Variants in NTNG1 observed in about 807,000 individuals in gnomAD.
NTNG1 encodes netrin-G1.
A neutral mutation model predicts 54.0 loss-of-function variants in NTNG1; 16 were observed. The observed-to-expected ratio is 0.30, with a 90% CI of 0.20 to 0.45. NTNG1 has a LOEUF of 0.45. Ranked by LOEUF, NTNG1 falls within the 20% of genes least tolerant of loss-of-function variation. The pLI, the probability that NTNG1 is intolerant of heterozygous loss-of-function variation, is 1.00. For synonymous variants in NTNG1, 255 were observed against 263.1 expected (o/e 0.97, Z 0.30); for missense variants, 530 against 678.7 (o/e 0.78, Z 2.43).
At chr1:107,218,269 A>G (rs1660104609) in intron 2 of NTNG1, among the ~76,000 whole-genome samples, 2 of 151,788 alleles carry the variant, frequency 1.3e-5, no homozygotes, top group South Asian at 4.2e-4. Context: ...AAGAATAGCT[A>G]CTCCTGGTGG....
At chr1:107,206,636 G>A (rs747729964) in intron 2 of NTNG1, among the ~76,000 whole-genome samples, 1 of 152,236 alleles carries the variant, frequency 6.6e-6, no homozygotes, top group Non-Finnish European at 1.5e-5. Flanking sequence ...TATATCCCAA[G>A]CTGCACTTAG....
chr1:107,213,678 T>C (rs954316334), intron 2 of NTNG1, among the ~76,000 whole-genome samples: 2 of 152,154 alleles, frequency 1.3e-5, no homozygotes, highest in African/African-American at 4.8e-5. Context: ...TGAACCATTA[T>C]GTGTGTATCA....
intron 3 of NTNG1, among the ~76,000 whole-genome samples, chr1:107,341,488 T>C (rs1183740854): frequency 6.6e-6 from 1 of 152,114 alleles, no homozygotes; most frequent in East Asian, 1.9e-4. Flanking sequence ...GATTGGCTTC[T>C]TGAGCCCTGG....
In NTNG1 at chr1:107,484,660, T is replaced by G. The variant is rs745567116; in HGVS notation, c.*3820T>G. Reference sequence around the variant, plus strand: ...TGTAGTTAATGCTCCCCTCACCTTCTCTTGGACCTGTGGTCTGACTGGAGT... The same window carrying G: ...TGTAGTTAATGCTCCCCTCACCTTCGCTTGGACCTGTGGTCTGACTGGAGT... On this transcript the variant is annotated 3_prime_UTR_variant, in exon 8 of 8. Coordinates refer to ENST00000370068, the MANE Select transcript of NTNG1 (RefSeq NM_001113226.3). Among the ~76,000 whole-genome samples, 2 of 152,180 alleles carry G rather than the reference T, an allele frequency of 1.3e-5. No individual in the cohort carries two copies. The highest frequency in any genetic ancestry group is 2.9e-5 in the Non-Finnish European group (2 of 68,028).
chr1:107,454,663 G>A (rs555148772), intron 7 of NTNG1, among the ~76,000 whole-genome samples: 2 of 152,218 alleles, frequency 1.3e-5, no homozygotes, highest in South Asian at 4.1e-4. Flanking sequence ...AATACCCAAA[G>A]GAGGAAATAG....
At chr1:107,344,378 A>C (rs1311922249) in intron 3 of NTNG1, among the ~76,000 whole-genome samples, 2 of 152,042 alleles carry the variant, frequency 1.3e-5, no homozygotes, top group Non-Finnish European at 2.9e-5. Context: ...ATTTTAGGAG[A>C]GGACAGGGCT....
rs77167978 is a variant in NTNG1 at position 107,241,588 on chromosome 1, C to T, written c.247-82694C>T. Among the ~76,000 whole-genome samples the T allele has an allele frequency of 4.7e-3, 721 of 152,282 alleles. 2 individuals carry two copies. The highest frequency in any genetic ancestry group is 7.6e-3 in the Non-Finnish European group (515 of 68,014). On this transcript the variant is annotated intron_variant, in intron 2 of 7. Coordinates refer to ENST00000370068, the MANE Select transcript of NTNG1 (RefSeq NM_001113226.3). The stretch of plus-strand genomic sequence containing the variant: ...CTGCACTAAATCATGCATCCTACAA[C>T]CAGAACAACTCAAACAGGACAAAGC...
At chr1:107,263,783 A>G (rs12146039) in intron 2 of NTNG1, among the ~76,000 whole-genome samples, 5,001 of 152,270 alleles carry the variant, frequency 0.033, 107 homozygotes, top group Non-Finnish European at 0.052. Flanking sequence ...TAATTTTATG[A>G]AAAAAATCCA....
chr1:107,197,357 A>T (rs1658419014), intron 2 of NTNG1, among the ~76,000 whole-genome samples: 1 of 152,042 alleles, frequency 6.6e-6, no homozygotes, highest in East Asian at 1.9e-4. Flanking sequence ...ACACAATCTA[A>T]TGAGAAATGG....
intron 6 of NTNG1, among the ~76,000 whole-genome samples, chr1:107,432,063 G>A (rs675668): frequency 0.97 from 147,019 of 152,120 alleles, 71,233 homozygotes; most frequent in East Asian, 1. Flanking sequence ...CTGTATTTCA[G>A]AGCATCTCCT....
intron 3 of NTNG1, among the ~76,000 whole-genome samples, chr1:107,376,500 A>C (rs958503507): frequency 3.3e-5 from 5 of 152,128 alleles, no homozygotes; most frequent in African/African-American, 9.7e-5. Flanking sequence ...AAAATTGTCC[A>C]GTGTTGTATA....
In NTNG1 at chr1:107,346,543, G is replaced by A. The variant is rs141957213; in HGVS notation, c.887+21621G>A. Among the ~76,000 whole-genome samples the A allele has an allele frequency of 1.2e-3, 190 of 152,126 alleles. 1 individual carries two copies. The highest frequency in any genetic ancestry group is 2.1e-3 in the East Asian group (11 of 5,160). On this transcript the variant is annotated intron_variant, in intron 3 of 7. Coordinates refer to ENST00000370068, the MANE Select transcript of NTNG1 (RefSeq NM_001113226.3). ...TCTCTCAAGGTGCACACACAAATCT[G>A]CTATATATTTAGATTTTTTTGGCAA... is the stretch of plus-strand genomic sequence containing the variant.
intron 2 of NTNG1, among the ~76,000 whole-genome samples, chr1:107,196,428 CTCAG>C (rs1658335921): frequency 6.6e-6 from 1 of 152,032 alleles, no homozygotes; most frequent in African/African-American, 2.4e-5. Flanking sequence ...ATAATTAACA[CTCAG>C]TAAGTCGTAA....
chr1:107,274,701 CACTGGAGACA>C (rs1664352506), intron 2 of NTNG1, among the ~76,000 whole-genome samples: 1 of 152,210 alleles, frequency 6.6e-6, no homozygotes, highest in Admixed American at 6.5e-5. Context: ...AGCAGGAAAG[CACTGGAGACA>C]AGTTAGCTCC....
chr1:107,362,097 G>A (rs1013683244), intron 3 of NTNG1, among the ~76,000 whole-genome samples: 3 of 152,028 alleles, frequency 2.0e-5, no homozygotes, highest in African/African-American at 4.8e-5. Context: ...ATCTCCTTGG[G>A]CATCCAAAGA....
intron 3 of NTNG1, among the ~76,000 whole-genome samples, chr1:107,391,419 A>T (rs1199881414): frequency 6.6e-6 from 1 of 152,208 alleles, no homozygotes; most frequent in Non-Finnish European, 1.5e-5. Context: ...CAGATCAAAG[A>T]TGATGATCAC....
chr1:107,428,033 T>C (rs1246704449), intron 5 of NTNG1, among the ~76,000 whole-genome samples: 1 of 152,142 alleles, frequency 6.6e-6, no homozygotes, highest in Non-Finnish European at 1.5e-5. Flanking sequence ...AGATAAAGTT[T>C]TATCAGGTAG....
At chr1:107,141,710 G>A (rs1055868489) in intron 1 of NTNG1, among the ~76,000 whole-genome samples, 1 of 152,046 alleles carries the variant, frequency 6.6e-6, no homozygotes, top group African/African-American at 2.4e-5. Flanking sequence ...GCCCCGGGCC[G>A]GTGATGCGTC....
intron 2 of NTNG1, among the ~76,000 whole-genome samples, chr1:107,207,768 C>T (rs569190640): frequency 1.3e-4 from 20 of 152,300 alleles, no homozygotes; most frequent in African/African-American, 3.8e-4. Flanking sequence ...GAGATACTTT[C>T]GTAGCTCATG....
Sources: gnomAD v4.1 joint callset for allele counts (sites outside exome capture counted in the v4.1 genomes callset) on GRCh38, gnomAD v4.1.1 for gene constraint, MANE v1.5 for transcripts, NCBI Gene and HGNC (gene_info 2026-07-23, HGNC 2026-07-21) for gene names.